LONP2: variants seen among roughly 807,000 people sequenced by gnomAD.
LONP2 encodes lon peptidase 2, peroxisomal.
LONP2 carries 60 observed loss-of-function variants against 85.6 expected under a neutral mutation model. The observed-to-expected ratio is 0.70, with a 90% confidence interval of 0.57 to 0.87. The LOEUF is 0.87. Ranked by LOEUF, LONP2 falls within the 40% of genes least tolerant of loss-of-function variation. LONP2 has a pLI of 0.00. For synonymous variants in LONP2, 395 were observed against 389.7 expected, an observed-to-expected ratio of 1.01 and a Z score of -0.16; for missense variants, 860 against 1,063.5, an observed-to-expected ratio of 0.81 and a Z score of 2.66.
rs1960165998 is a variant in LONP2, at chr16:48,351,952, G to C, written c.*150G>C. 1.6e-6 allele frequency: 1 copy of C among 625,068 alleles called. No individual in the cohort carries two copies. Among genetic ancestry groups the C allele is most frequent in the Non-Finnish European group, 2.8e-6 (1 of 360,180 alleles). 38.7% of individuals were successfully genotyped at this position (625,068 alleles called of 1,614,324 possible). On this transcript the variant is annotated 3_prime_UTR_variant, in exon 15 of 15. Transcript: ENST00000285737. Reference sequence around the variant, plus strand: ...TAATAAACCTCAAGTAGTGGCTAGTGTTTAGTATAGAAATATAAGATGTTG... The same window carrying C: ...TAATAAACCTCAAGTAGTGGCTAGTCTTTAGTATAGAAATATAAGATGTTG...
intron 6 of LONP2, among the ~76,000 whole-genome samples, chr16:48,263,446 A>G (rs978392051): frequency 3.3e-5 from 5 of 152,230 alleles, no homozygotes; most frequent in African/African-American, 9.6e-5. Context: ...GAAATCATAC[A>G]GTACTTGTCT....
intron 1 of LONP2, among the ~76,000 whole-genome samples, chr16:48,251,766 T>G (rs1971655341): frequency 6.6e-6 from 1 of 152,252 alleles, no homozygotes; most frequent in Admixed American, 6.5e-5. Flanking sequence ...GTATTTAAAT[T>G]GATAATATTT....
intron 11 of LONP2, 46 bp downstream of exon 11, chr16:48,303,351 G>T: frequency 1.3e-6 from 2 of 1,596,840 alleles, no homozygotes; most frequent in South Asian, 2.2e-5. Context: ...GGCTAGGAGT[G>T]AGTGACAGAA....
chr16:48,295,005 C>T (rs903780917), intron 8 of LONP2, among the ~76,000 whole-genome samples: 1 of 152,202 alleles, frequency 6.6e-6, no homozygotes, highest in African/African-American at 2.4e-5. Flanking sequence ...CCCTTAGCAA[C>T]AAGTGCCTGT....
intron 11 of LONP2, among the ~76,000 whole-genome samples, chr16:48,304,522 G>A (rs879495388): frequency 6.6e-6 from 1 of 151,928 alleles, no homozygotes; most frequent in Non-Finnish European, 1.5e-5. Context: ...TAGCCAACAC[G>A]GTGAAACCCC....
chr16:48,336,598 G>T, intron 12 of LONP2: 1 of 363,914 alleles, frequency 2.7e-6, no homozygotes, highest in East Asian at 7.5e-5. Flanking sequence ...AAAGGGGGTT[G>T]TTCTCTTGCT....
rs1462810884 is a variant in LONP2 at position 48,353,694 on chromosome 16, C to A, written c.*1892C>A. 2 of 152,174 alleles carry A rather than the reference C, an allele frequency of 1.3e-5. No homozygotes were observed. The highest frequency in any genetic ancestry group is 3.9e-4 in the East Asian group (2 of 5,156). The allele number at this position is 152,174 out of a possible 1,614,324, so 9.4% of individuals were successfully genotyped here. A position where few individuals can be genotyped will look rare whatever the true frequency, so the allele number is the denominator to read the frequency against. On this transcript the variant is annotated 3_prime_UTR_variant, in exon 15 of 15. Coordinates refer to ENST00000285737, the MANE Select transcript of LONP2 (RefSeq NM_031490.5). ...ACTACTGTAATTTTATCATTTCCAA[C>A]GTCATCTAACTGGGGACTAGAACAA...
intron 12 of LONP2, among the ~76,000 whole-genome samples, chr16:48,337,999 G>A (rs1959704627): frequency 6.6e-6 from 1 of 152,084 alleles, no homozygotes; most frequent in Admixed American, 6.5e-5. Flanking sequence ...TAGAGATGGG[G>A]TTTCACCATG....
chr16:48,362,177 G>A, downstream of LONP2: 2 of 1,614,226 alleles, frequency 1.2e-6, no homozygotes, highest in Non-Finnish European at 1.7e-6. The surrounding 1 kb of genome is among the most constrained non-coding windows in gnomAD (Gnocchi z 4.2). Context: ...CCATAGCCAA[G>A]TTGCGAATGG....
At chr16:48,297,095 C>T (rs2150996798) in intron 9 of LONP2, among the ~76,000 whole-genome samples, 1 of 151,670 alleles carries the variant, frequency 6.6e-6, no homozygotes, top group Admixed American at 6.6e-5. Context: ...GCAGCCTCCG[C>T]CTCCGAAGTT....
chr16:48,278,777 C>CT (rs1423592200), intron 8 of LONP2, among the ~76,000 whole-genome samples: 2 of 152,154 alleles, frequency 1.3e-5, no homozygotes, highest in African/African-American at 4.8e-5. Context: ...TTTGCTCATT[C>CT]TTTCTTTGAA....
intron 10 of LONP2, among the ~76,000 whole-genome samples, chr16:48,300,396 T>C (rs1972778711): frequency 6.6e-6 from 1 of 152,240 alleles, no homozygotes; most frequent in South Asian, 2.1e-4. Flanking sequence ...AGAGTATTGC[T>C]TAGTCTAATT....
chr16:48,319,465 T>C (rs1973216615), intron 11 of LONP2, among the ~76,000 whole-genome samples: 7 of 152,194 alleles, frequency 4.6e-5, no homozygotes, highest in Admixed American at 4.6e-4. Context: ...CTTCTACTTG[T>C]TACAGGATCT....
downstream of LONP2, chr16:48,361,219 GCACACACCCACGCAGGCA>G: frequency 4.4e-6 from 1 of 226,962 alleles, no homozygotes; most frequent in Non-Finnish European, 8.9e-6. Flanking sequence ...ACCCAAACAC[GCACACACCCACGCAGGCA>G]CACACTCCCA....
intron 12 of LONP2, chr16:48,344,220 T>C (rs1959898751): frequency 1.3e-5 from 2 of 152,180 alleles, no homozygotes; most frequent in Admixed American, 6.5e-5. Flanking sequence ...GAGGGAGAAA[T>C]ACGTGGAAAC....
intron 6 of LONP2, among the ~76,000 whole-genome samples, chr16:48,267,665 T>G (rs557368978): frequency 0.014 from 2,077 of 151,134 alleles, 44 homozygotes; most frequent in African/African-American, 0.048. Context: ...GGCCAGGCTG[T>G]AGTGCAGTGG....
At chr16:48,327,954 C>G (rs901858451) in intron 11 of LONP2, among the ~76,000 whole-genome samples, 1 of 152,066 alleles carries the variant, frequency 6.6e-6, no homozygotes, top group African/African-American at 2.4e-5. Context: ...GGTCAGAGCC[C>G]TGTCTGTGGG....
At chr16:48,280,921 T>G (rs1972312677) in intron 8 of LONP2, among the ~76,000 whole-genome samples, 1 of 152,218 alleles carries the variant, frequency 6.6e-6, no homozygotes, top group Non-Finnish European at 1.5e-5. Flanking sequence ...TGAAAGCCAC[T>G]TGCTGCTTCC....
chr16:48,267,180 CA>C (rs903423908), intron 6 of LONP2, among the ~76,000 whole-genome samples: 32 of 152,010 alleles, frequency 2.1e-4, no homozygotes, highest in Non-Finnish European at 4.1e-4. Context: ...GCACATAGCA[CA>C]AAGAACTGAA....
Sources: gnomAD v4.1 joint callset for allele counts (sites outside exome capture counted in the v4.1 genomes callset) on GRCh38, gnomAD v4.1.1 for gene constraint, Gnocchi (gnomAD v3.1) non-coding constraint, MANE v1.5 for transcripts, NCBI Gene and HGNC (gene_info 2026-07-23, HGNC 2026-07-21) for gene names.